The following SRGAP2 variants were observed in gnomAD, a reference collection of about 807,000 sequenced individuals.
SRGAP2 encodes SLIT-ROBO Rho GTPase activating protein 2, also known as SLIT-ROBO Rho GTPase-activating protein 2.
SRGAP2 carries 15 observed loss-of-function variants against 57.2 expected under a neutral mutation model. That is an observed-to-expected ratio of 0.26 (90% CI 0.18 to 0.40). The LOEUF (loss-of-function observed/expected upper bound fraction) is 0.40, where lower values mean the gene tolerates loss of function less well. SRGAP2 is among the 10% of genes least tolerant of loss of function. The pLI is 1.00. For missense variants in SRGAP2, 520 were observed against 669.6 expected (o/e 0.78, Z 2.47); for synonymous variants, 249 against 248.0 (o/e 1.00, Z -0.04).
chr1:206,278,329 C>T (rs1670535744), intron 2 of SRGAP2, among the ~76,000 whole-genome samples: 1 of 147,206 alleles, frequency 6.8e-6, no homozygotes, highest in South Asian at 2.1e-4. Context: ...AAAATTTTTT[C>T]TTCTTTCTTC....
chr1:206,283,216 TC>T (rs1244031508), intron 2 of SRGAP2, among the ~76,000 whole-genome samples: 2 of 151,796 alleles, frequency 1.3e-5, no homozygotes, highest in African/African-American at 2.4e-5. Flanking sequence ...ATCGTCTTTT[TC>T]CCCGATAATG....
intron 4 of SRGAP2, among the ~76,000 whole-genome samples, chr1:206,367,271 A>G (rs1310314117): frequency 1.3e-5 from 2 of 152,202 alleles, no homozygotes; most frequent in African/African-American, 4.8e-5. Context: ...TTGCTGTGAA[A>G]ATTTATGGCC....
chr1:206,373,018 T>A (rs1165883950), intron 4 of SRGAP2, among the ~76,000 whole-genome samples: 1 of 121,438 alleles, frequency 8.2e-6, no homozygotes, highest in Non-Finnish European at 1.7e-5. Flanking sequence ...TCTTTCTTTC[T>A]TTCTTTCTTT....
chr1:206,436,239 G>A (rs782527420), intron 14 of SRGAP2, among the ~76,000 whole-genome samples: 2 of 151,562 alleles, frequency 1.3e-5, no homozygotes, highest in Admixed American at 6.6e-5. Flanking sequence ...AGTATTGAAA[G>A]CATTGCCCCC....
chr1:206,460,445 A>G (rs982561976), intron 22 of SRGAP2, among the ~76,000 whole-genome samples: 12 of 151,992 alleles, frequency 7.9e-5, no homozygotes, highest in Admixed American at 2.0e-4. Flanking sequence ...GCTGGAAGGA[A>G]ATGGTTTCAA....
At chr1:206,450,594 T>G in intron 19 of SRGAP2, 129 bp downstream of exon 19, 1 of 619,136 alleles carries the variant, frequency 1.6e-6, no homozygotes, top group South Asian at 1.9e-5. Context: ...GAGCTCCCTG[T>G]CTCAATTTCA....
intron 21 of SRGAP2, among the ~76,000 whole-genome samples, chr1:206,456,476 T>G (rs1431762882): frequency 1.3e-5 from 2 of 152,214 alleles, no homozygotes; most frequent in Non-Finnish European, 2.9e-5. Flanking sequence ...GATCCTATAA[T>G]TAACTCAGAA....
chr1:206,425,682 G>C (rs999164726), intron 13 of SRGAP2, among the ~76,000 whole-genome samples: 2 of 150,216 alleles, frequency 1.3e-5, no homozygotes, highest in African/African-American at 4.9e-5. Flanking sequence ...TTACAGGCGC[G>C]CACCACAACG....
intron 4 of SRGAP2, among the ~76,000 whole-genome samples, chr1:206,356,458 TAAGCTA>T (rs1333012342): frequency 6.6e-6 from 1 of 151,316 alleles, no homozygotes; most frequent in Non-Finnish European, 1.5e-5. Flanking sequence ...GTCATATTGG[TAAGCTA>T]AAGAACCAGT....
intron 20 of SRGAP2, chr1:206,453,783 C>T (rs527326036): frequency 1.8e-5 from 5 of 283,328 alleles, no homozygotes; most frequent in East Asian, 1.3e-4. Context: ...CAACTATGCT[C>T]ACCCCAACCT....
At chr1:206,277,232 A>G (rs1670468732) in intron 2 of SRGAP2, among the ~76,000 whole-genome samples, 1 of 135,362 alleles carries the variant, frequency 7.4e-6, no homozygotes, top group Non-Finnish European at 1.6e-5. Context: ...TGACTTTCAC[A>G]GTCTGGCTAT....
chr1:206,431,261 A>G (rs139466301), intron 14 of SRGAP2, among the ~76,000 whole-genome samples: 3 of 152,216 alleles, frequency 2.0e-5, no homozygotes, highest in Non-Finnish European at 2.9e-5. Flanking sequence ...ACAGTCAACA[A>G]ATTTATCAAG....
chr1:206,390,688 T>G (rs1182494654), intron 5 of SRGAP2, among the ~76,000 whole-genome samples: 1 of 151,896 alleles, frequency 6.6e-6, no homozygotes, highest in African/African-American at 2.4e-5. Flanking sequence ...AGATAACAGA[T>G]GCCTCTTTTC....
rs1446822578 is a variant in SRGAP2, at chr1:206,463,633, A to C, written c.*2213A>C. 2 of 152,612 alleles carry C rather than the reference A, an allele frequency of 1.3e-5. No individual in the cohort carries two copies. Among genetic ancestry groups the C allele is most frequent in the Non-Finnish European group, 2.9e-5 (2 of 68,084 alleles). 9.5% of individuals were successfully genotyped at this position (152,612 alleles called of 1,614,324 possible). A position where few individuals can be genotyped will look rare whatever the true frequency, so the allele number is the denominator to read the frequency against. The stretch of plus-strand genomic sequence containing the variant: ...ACTCGTGTTCACCATCCCCTTGATC[A>C]GTGTCCATCCGCGCTAATTTGCATC... On this transcript the variant is annotated 3_prime_UTR_variant, in exon 23 of 23. Transcript: ENST00000573034.
At chr1:206,303,744 T>C (rs1483085176) in intron 3 of SRGAP2, among the ~76,000 whole-genome samples, 5 of 152,074 alleles carry the variant, frequency 3.3e-5, no homozygotes, top group Non-Finnish European at 7.4e-5. Context: ...GCTTTACATA[T>C]ATGTTAGTTT....
chr1:206,265,672 G>C (rs1271281751), intron 2 of SRGAP2, among the ~76,000 whole-genome samples: 3 of 149,368 alleles, frequency 2.0e-5, no homozygotes, highest in Non-Finnish European at 4.4e-5. Flanking sequence ...ATGAACAAAA[G>C]AGCATGTGGA....
At chr1:206,282,201 T>G (rs1381215505) in intron 2 of SRGAP2, among the ~76,000 whole-genome samples, 1 of 51,574 alleles carries the variant, frequency 1.9e-5, no homozygotes, top group Non-Finnish European at 3.7e-5. Flanking sequence ...TTTTATTTAG[T>G]TCAGTGTTTC....
At chr1:206,345,709 A>G (rs1438672026) in intron 4 of SRGAP2, among the ~76,000 whole-genome samples, 7 of 151,836 alleles carry the variant, frequency 4.6e-5, no homozygotes, top group Admixed American at 3.3e-4. Context: ...GGAGTATTGC[A>G]TGAGCCCAGG....
chr1:206,411,277 G>A (rs1659200009), intron 10 of SRGAP2, among the ~76,000 whole-genome samples: 1 of 152,214 alleles, frequency 6.6e-6, no homozygotes. Context: ...TGAATTCTTA[G>A]GGACAGGTTT....
Sources: allele counts gnomAD v4.1 joint callset (sites outside exome capture counted in the v4.1 genomes callset), GRCh38; gene constraint gnomAD v4.1.1; transcripts MANE v1.5; gene names NCBI Gene and HGNC (gene_info 2026-07-23, HGNC 2026-07-21).